STX1A: variants seen among roughly 807,000 people sequenced by gnomAD.
The protein encoded by STX1A is syntaxin 1A, also known as syntaxin-1A.
STX1A carries 4 observed loss-of-function variants against 37.8 expected under a neutral mutation model. The observed-to-expected ratio is 0.11, with a 90% CI of 0.05 to 0.24. The LOEUF is 0.24. Ranked by LOEUF, STX1A falls within the 10% of genes least tolerant of loss-of-function variation. The probability of loss-of-function intolerance (pLI) is 1.00; values close to 1 mark genes in which losing one functional copy is unlikely to be tolerated. For missense variants in STX1A, 251 were observed against 399.9 expected (o/e 0.63, Z 3.18); for synonymous variants, 135 against 147.4 (o/e 0.92, Z 0.61).
In STX1A at chr7:73,706,081, C is replaced by G. The variant is rs534654555; in HGVS notation, c.209-857G>C. Among the ~76,000 whole-genome samples, 1 of 152,298 alleles carries G rather than the reference C, an allele frequency of 6.6e-6. No homozygotes were observed. The highest frequency in any genetic ancestry group is 2.1e-4 in the South Asian group (1 of 4,828). On this transcript the variant is annotated intron_variant, in intron 3 of 9. Coordinates refer to ENST00000222812, the MANE Select transcript of STX1A (RefSeq NM_004603.4). The surrounding 1 kb of genome is among the most constrained non-coding windows in gnomAD (Gnocchi z 4.6). The stretch of plus-strand genomic sequence containing the variant: ...CCAGTCTCAGGACACCCCCAGGACT[C>G]TGCCCCGAGAGAAGCCGGGACTGAG...
Position 73,700,281 on chromosome 7 carries a change from TG to T in STX1A, c.*125del. 3.6e-6 allele frequency: 3 copies of T among 832,180 alleles called. No homozygotes were observed. The highest frequency in any genetic ancestry group is 5.9e-6 in the Non-Finnish European group (3 of 512,408). 51.5% of individuals were successfully genotyped at this position (832,180 alleles called of 1,614,324 possible). ...AGGGCCCATGGCAGAGAAGGGAGCA[TG>T]GGGGCCGGGAGGGAGGGTGCTCTGA... On this transcript the variant is annotated 3_prime_UTR_variant, in exon 10 of 10. Coordinates refer to ENST00000222812, the MANE Select transcript of STX1A (RefSeq NM_004603.4). The surrounding 1 kb of genome is among the most constrained non-coding windows in gnomAD (Gnocchi z 4.4).
At position 73,707,376 on chromosome 7, in the gene STX1A, G is replaced by T. The variant is rs573879075; in HGVS notation, c.208+1213C>A. On this transcript the variant is annotated intron_variant, in intron 3 of 9. Coordinates refer to ENST00000222812, the MANE Select transcript of STX1A (RefSeq NM_004603.4). ...GAGCCCTGAGAATGCCCGCCCCGGG[G>T]TGCCACATGGCCAGGTGCCAGGGCT... is the stretch of plus-strand genomic sequence containing the variant. Among the ~76,000 whole-genome samples the T allele has an allele frequency of 3.9e-5, 6 of 152,326 alleles. No homozygotes were observed. The East Asian group carries it at 9.7e-4, about 25-fold the overall frequency.
intron 1 of STX1A, among the ~76,000 whole-genome samples, chr7:73,713,870 T>C (rs1196888731): frequency 1.3e-5 from 2 of 152,220 alleles, no homozygotes; most frequent in African/African-American, 4.8e-5. Flanking sequence ...AACCCTTCGC[T>C]GTGCAGGTGG....
rs1554615633 is a variant in STX1A, at chr7:73,700,336, C to T, written c.*71G>A. On this transcript the variant is annotated 3_prime_UTR_variant, in exon 10 of 10. Coordinates refer to ENST00000222812, the MANE Select transcript of STX1A (RefSeq NM_004603.4). The surrounding 1 kb of genome is among the most constrained non-coding windows in gnomAD (Gnocchi z 4.4). ...AGAGGCGGGGGTTGGGAGGGCAGCC[C>T]AGCCAGGTGGCAGCAGCCAGGGCCT... The T allele has an allele frequency of 5.2e-6, 8 of 1,527,100 alleles. No individual in the cohort carries two copies. In the East Asian group the frequency reaches 6.8e-5, roughly 13 times the overall value. The allele number at this position is 1,527,100 out of a possible 1,614,324, so 94.6% of individuals were successfully genotyped here.
At chr7:73,719,491 T>C in intron 1 of STX1A, 111 bp downstream of exon 1, 1 of 1,066,218 alleles carries the variant, frequency 9.4e-7, no homozygotes, top group East Asian at 3.9e-5. Flanking sequence ...CAGCCCTGGC[T>C]GGGGGCGCAG....
At position 73,708,573 on chromosome 7, in the gene STX1A, C is replaced by A. The variant is rs567428351; in HGVS notation, c.208+16G>T. On this transcript the variant is annotated intron_variant, in intron 3 of 9. Transcript: ENST00000222812. ...CTTGTGGGGCCTGAAACCCGTCCCC[C>A]GCCCCACACACTCACTCTCATCGGG... 1 of 1,609,900 alleles carries A rather than the reference C, an allele frequency of 6.2e-7. No homozygotes were observed. Among genetic ancestry groups the A allele is most frequent in the Non-Finnish European group, 8.5e-7 (1 of 1,177,708 alleles).
Position 73,717,909 on chromosome 7 carries a change from C to T in STX1A, c.30+1693G>A, listed in dbSNP as rs141525818. 4.3e-3 allele frequency among the ~76,000 whole-genome samples: 661 copies of T among 152,286 alleles called. 4 individuals are homozygous for T. The highest frequency in any genetic ancestry group is 0.015 in the African/African-American group (641 of 41,544). ...GCAAAGCCCTTTTCTACCACCCCTC[C>T]CTCTAGCAGGCAAGCCGTGTTTCTT... On this transcript the variant is annotated intron_variant, in intron 1 of 9. Transcript: ENST00000222812. The surrounding 1 kb of genome is among the most constrained non-coding windows in gnomAD (Gnocchi z 4.1).
intron 1 of STX1A, among the ~76,000 whole-genome samples, chr7:73,718,513 G>C (rs923759921): frequency 3.9e-5 from 6 of 152,036 alleles, no homozygotes; most frequent in Non-Finnish European, 8.8e-5. Flanking sequence ...GGAGCGGGGT[G>C]GGGGGTGCTC....
intron 4 of STX1A, chr7:73,704,781 T>C: frequency 4.0e-6 from 2 of 505,466 alleles, no homozygotes; most frequent in Non-Finnish European, 7.2e-6. Flanking sequence ...CTGCAGGGCA[T>C]GTGGCCCCGA....
chr7:73,700,492 G>C lies in STX1A; in HGVS notation c.790-8C>G. 1 of 1,613,880 alleles carries C rather than the reference G, an allele frequency of 6.2e-7. No individual in the cohort carries two copies. The highest frequency in any genetic ancestry group is 8.5e-7 in the Non-Finnish European group (1 of 1,179,940). ...GATGATCATGATTTTCTTCTGCATGGGAAGCGGGCAGGAGAGGCCTCAGAC... is the reference window on the plus strand; with the variant it reads ...GATGATCATGATTTTCTTCTGCATGCGAAGCGGGCAGGAGAGGCCTCAGAC... On this transcript the variant is annotated splice_polypyrimidine_tract_variant and splice_region_variant and intron_variant, in intron 9 of 9. Transcript: ENST00000222812. The surrounding 1 kb of genome is among the most constrained non-coding windows in gnomAD (Gnocchi z 4.4).
Position 73,704,178 on chromosome 7 carries a change from T to A in STX1A, c.436A>T (p.Lys146Ter). Residue 146 changes from lysine (K) to a stop codon, truncating the protein, a stop_gained, in exon 6 of 10, where the codon AAA (lysine) becomes TAA (stop). Transcript: ENST00000222812. LOFTEE classifies it high-confidence loss of function. Reference protein sequence around the residue: ...ATQSDYRERCKGRIQRQLEIT... With the variant: ...ATQSDYRERC ...TCCAGCTGCCTCTGGATGCGGCCTTTGCAGCGCTCGCGGTAGTCGGACTGC... is the reference window on the plus strand; with the variant it reads ...TCCAGCTGCCTCTGGATGCGGCCTTAGCAGCGCTCGCGGTAGTCGGACTGC... The A allele has an allele frequency of 6.2e-7, 1 of 1,612,812 alleles. No individual in the cohort carries two copies. Among genetic ancestry groups the A allele is most frequent in the Non-Finnish European group, 8.5e-7 (1 of 1,179,976 alleles).
rs199726876 is a variant in STX1A at position 73,709,128 on chromosome 7, C to T, written c.31-6G>A. 3.5e-5 allele frequency: 56 copies of T among 1,612,040 alleles called. No homozygotes were observed. The highest frequency in any genetic ancestry group is 1.7e-4 in the Middle Eastern group (1 of 6,060). On this transcript the variant is annotated splice_region_variant and splice_polypyrimidine_tract_variant and intron_variant, in intron 1 of 9. Coordinates refer to ENST00000222812, the MANE Select transcript of STX1A (RefSeq NM_004603.4). The surrounding 1 kb of genome is among the most constrained non-coding windows in gnomAD (Gnocchi z 4.2). ...TCATCATCGCTGTCCTTGGCCTGTG[C>T]GGGGTTGTGCACACATAAGTGGACG...
At chr7:73,703,024 AG>A in intron 7 of STX1A, 42 bp from the exon 8 acceptor site, 1 of 897,446 alleles carries the variant, frequency 1.1e-6, no homozygotes, top group Middle Eastern at 3.4e-4. Flanking sequence ...AGGCTTGCTG[AG>A]GGGCAGGGCA....
In STX1A at chr7:73,700,919, A is replaced by C. The variant is rs781878451; in HGVS notation, c.679-79T>G. The C allele has an allele frequency of 1.1e-5, 17 of 1,589,060 alleles. No individual in the cohort carries two copies. The highest frequency in any genetic ancestry group is 1.8e-5 in the Admixed American group (1 of 56,816). On this transcript the variant is annotated intron_variant, in intron 8 of 9. Coordinates refer to ENST00000222812, the MANE Select transcript of STX1A (RefSeq NM_004603.4). This position sits in a 1 kb window ranked among gnomAD's most constrained non-coding sequence, Gnocchi z 4.4. ...TGGGGCTCGGGGCAGGACTTCAGGA[A>C]AGCACCCTGAGGCTAGAGACAAAAA...
Position 73,702,600 on chromosome 7 carries a change from CGGCGGGGTATAGAGGGT to C in STX1A, c.678+228_678+244del, listed in dbSNP as rs1170487920. 6.6e-5 allele frequency: 80 copies of C among 1,218,682 alleles called. No homozygotes were observed. The highest frequency in any genetic ancestry group is 8.5e-5 in the Non-Finnish European group (77 of 906,692). 75.5% of individuals were successfully genotyped at this position (1,218,682 alleles called of 1,614,324 possible). A position where few individuals can be genotyped will look rare whatever the true frequency, so the allele number is the denominator to read the frequency against. ...GAAACAGTAGTAGGGGAATGAGAGA[CGGCGGGGTATAGAGGGT>C]GGGGCCATGCAGGGCCTGGGGTCCT... is the stretch of plus-strand genomic sequence containing the variant. On this transcript the variant is annotated intron_variant, in intron 8 of 9. Transcript: ENST00000222812. This position sits in a 1 kb window ranked among gnomAD's most constrained non-coding sequence, Gnocchi z 4.7.
At position 73,706,792 on chromosome 7, in the gene STX1A, G is replaced by A. The variant is rs922291031; in HGVS notation, c.209-1568C>T. Among the ~76,000 whole-genome samples the A allele has an allele frequency of 2.0e-5, 3 of 152,158 alleles. No individual in the cohort carries two copies. The highest frequency in any genetic ancestry group is 4.4e-5 in the Non-Finnish European group (3 of 68,034). ...AACAGCCCACAGAGGGACACACAGTGACCCAGATACCTCTGGGCGCACAGA... is the reference window on the plus strand; with the variant it reads ...AACAGCCCACAGAGGGACACACAGTAACCCAGATACCTCTGGGCGCACAGA... On this transcript the variant is annotated intron_variant, in intron 3 of 9. Coordinates refer to ENST00000222812, the MANE Select transcript of STX1A (RefSeq NM_004603.4). This position sits in a 1 kb window ranked among gnomAD's most constrained non-coding sequence, Gnocchi z 4.6.
rs1006798478 is a variant in STX1A at position 73,706,618 on chromosome 7, G to A, written c.209-1394C>T. 2.0e-5 allele frequency among the ~76,000 whole-genome samples: 3 copies of A among 152,118 alleles called. No homozygotes were observed. Among genetic ancestry groups the A allele is most frequent in the Non-Finnish European group, 2.9e-5 (2 of 68,032 alleles). ...GACACCGCAGCAGGAGACGGTGCAG[G>A]AGGTGGCCTGCAGGAGCCCAAGGTG... On this transcript the variant is annotated intron_variant, in intron 3 of 9. Transcript: ENST00000222812. This position sits in a 1 kb window ranked among gnomAD's most constrained non-coding sequence, Gnocchi z 4.6.
chr7:73,718,253 G>A (rs1481734241), intron 1 of STX1A, among the ~76,000 whole-genome samples: 3 of 152,138 alleles, frequency 2.0e-5, no homozygotes, highest in African/African-American at 4.8e-5. Flanking sequence ...GGGGCTGGGC[G>A]CTCGGCCAGG....
chr7:73,703,290 C>A, intron 7 of STX1A: 1 of 551,706 alleles, frequency 1.8e-6, no homozygotes, highest in Non-Finnish European at 3.3e-6. Flanking sequence ...GTTGACTGCC[C>A]CGTGGACCCA....
Sources: gnomAD v4.1 joint callset for allele counts (sites outside exome capture counted in the v4.1 genomes callset) on GRCh38, gnomAD v4.1.1 for gene constraint, Gnocchi (gnomAD v3.1) non-coding constraint, MANE v1.5 for transcripts, NCBI Gene and HGNC (gene_info 2026-07-23, HGNC 2026-07-21) for gene names.